The following KCTD2 variants were observed in gnomAD, a reference collection of about 807,000 sequenced individuals.
The protein encoded by KCTD2 is potassium channel tetramerization domain containing 2, also known as BTB/POZ domain-containing protein KCTD2.
Under a neutral mutation model 27.9 loss-of-function variants are expected in KCTD2, and 18 were observed. The ratio of observed to expected loss-of-function variants is 0.64; its 90% CI spans 0.45 to 0.96. KCTD2 has a LOEUF of 0.96. Ranked by LOEUF, KCTD2 falls within the 40% of genes least tolerant of loss-of-function variation. The pLI, the probability that KCTD2 is intolerant of heterozygous loss-of-function variation, is 0.00. For missense variants in KCTD2, 280 were observed against 348.0 expected, an observed-to-expected ratio of 0.80 and a Z score of 1.56; for synonymous variants, 175 against 148.4, an observed-to-expected ratio of 1.18 and a Z score of -1.30.
chr17:75,033,949 G>A (rs866013366), intron 1 of KCTD2: 2 of 152,366 alleles, frequency 1.3e-5, no homozygotes, highest in Middle Eastern at 3.4e-3. Flanking sequence ...CCTAAGCCAG[G>A]GATTGTGGGT....
Position 75,047,602 on chromosome 17 carries a change from C to G in KCTD2, c.339+13C>G. 1 of 1,603,292 alleles carries G rather than the reference C, an allele frequency of 6.2e-7. No homozygotes were observed. On this transcript the variant is annotated intron_variant, in intron 1 of 5. Coordinates refer to ENST00000322444, the MANE Select transcript of KCTD2 (RefSeq NM_015353.3). ...GGACTCAGACAAGGTGTGCCCCGCC[C>G]TCGGGCGCGCCCCCGGGCCTTCGAA...
chr17:75,055,997 C>T (rs1280652146), intron 3 of KCTD2, among the ~76,000 whole-genome samples: 2 of 151,992 alleles, frequency 1.3e-5, no homozygotes, highest in Non-Finnish European at 2.9e-5. Context: ...CACCACTGCA[C>T]CCCAGCCTGG....
At chr17:75,035,187 A>T (rs1174207648) in intron 2 of KCTD2, 1 of 152,000 alleles carries the variant, frequency 6.6e-6, no homozygotes, top group African/African-American at 2.4e-5. Flanking sequence ...TCGTGGTCGG[A>T]ACGTTTTAAT....
At chr17:75,037,740 A>G (rs1460152368) in intron 3 of KCTD2, among the ~76,000 whole-genome samples, 1 of 152,198 alleles carries the variant, frequency 6.6e-6, no homozygotes, top group Non-Finnish European at 1.5e-5. Flanking sequence ...GATTTTAAAA[A>G]TTAAGTTAAA....
rs545453471 is a variant in KCTD2, at chr17:75,036,604, G to A, written c.-259+1247G>A. Among the ~76,000 whole-genome samples, 5 of 152,354 alleles carry A rather than the reference G, an allele frequency of 3.3e-5. No homozygotes were observed. The East Asian group carries it at 9.6e-4, about 29-fold the overall frequency. Reference sequence around the variant, plus strand: ...CCCAAAGGGCTCCCCCTAATGCTGGGGTTGCCCCCTTCACATCCCAACACC... The same window carrying A: ...CCCAAAGGGCTCCCCCTAATGCTGGAGTTGCCCCCTTCACATCCCAACACC... On this transcript the variant is annotated intron_variant, in intron 3 of 7. Coordinates refer to the KCTD2 transcript ENST00000581589.
chr17:75,051,403 G>A (rs577405012), intron 2 of KCTD2, among the ~76,000 whole-genome samples: 17 of 146,626 alleles, frequency 1.2e-4, no homozygotes, highest in African/African-American at 3.8e-4. Flanking sequence ...TCCTGCCTCA[G>A]CCTCCTGAGT....
At chr17:75,054,883 A>C (rs897779359) in intron 3 of KCTD2, among the ~76,000 whole-genome samples, 16 of 152,054 alleles carry the variant, frequency 1.1e-4, no homozygotes, top group African/African-American at 3.9e-4. Context: ...GACTGTTTTA[A>C]GAAACTGCAA....
rs574661451 is a variant in KCTD2 at position 75,048,572 on chromosome 17, C to T, written c.340-648C>T. On this transcript the variant is annotated intron_variant, in intron 1 of 5. Coordinates refer to ENST00000322444, the MANE Select transcript of KCTD2 (RefSeq NM_015353.3). ...CTTATAAAGGAATTATTTTTATCTA[C>T]TCTATATCCTCCTTGTGGTAATAGA... 3.3e-5 allele frequency among the ~76,000 whole-genome samples: 5 copies of T among 152,318 alleles called. No homozygotes were observed. The South Asian group carries it at 1.0e-3, about 32-fold the overall frequency.
chr17:75,046,168 C>T (rs1402576407), upstream of KCTD2, among the ~76,000 whole-genome samples: 3 of 152,108 alleles, frequency 2.0e-5, no homozygotes, highest in Non-Finnish European at 4.4e-5. Context: ...CTGCAACCTC[C>T]GCCTCCCGGG....
At chr17:75,062,522 C>G (rs1021748527) in intron 5 of KCTD2, among the ~76,000 whole-genome samples, 13 of 152,150 alleles carry the variant, frequency 8.5e-5, no homozygotes, top group African/African-American at 3.1e-4. Context: ...CCACTAATTA[C>G]TACAGGGTAG....
upstream of KCTD2, among the ~76,000 whole-genome samples, chr17:75,042,951 T>C (rs935389419): frequency 2.0e-5 from 3 of 152,086 alleles, no homozygotes; most frequent in African/African-American, 7.2e-5. Context: ...CCAGGCGCAG[T>C]GGGCTCACGC....
Position 75,047,366 on chromosome 17 carries a change from C to A in KCTD2, c.116C>A (p.Pro39His), listed in dbSNP as rs2073234774. ...CCCCCCAGCCCACGCCCGGCTGGCC[C>A]CACGCCCCGCGGGCACGGCCGCCCG... The part of the protein sequence containing the change: ...RGPPSPRPAG[P>H]TPRGHGRPAA... Residue 39 changes from proline to histidine, a missense_variant, in exon 1 of 6, where the codon CCC (proline) becomes CAC (histidine). Transcript: ENST00000322444. The A allele has an allele frequency of 8.0e-6, 9 of 1,129,744 alleles. No homozygotes were observed. The South Asian group carries it at 3.4e-4, about 43-fold the overall frequency. The allele number at this position is 1,129,744 out of a possible 1,614,324, so 70.0% of individuals were successfully genotyped here. A position where few individuals can be genotyped will look rare whatever the true frequency, so the allele number is the denominator to read the frequency against.
chr17:75,042,731 A>C, upstream of KCTD2: 1 of 1,405,520 alleles, frequency 7.1e-7, no homozygotes, highest in East Asian at 2.3e-5. Context: ...ATGATAAATA[A>C]CAAAATAAGA....
chr17:75,036,895 G>C (rs1485030962), intron 3 of KCTD2, among the ~76,000 whole-genome samples: 1 of 152,096 alleles, frequency 6.6e-6, no homozygotes, highest in Non-Finnish European at 1.5e-5. Flanking sequence ...AGTTTTGGGG[G>C]GAGTAGACTC....
rs577793689 is a variant in KCTD2 at position 75,063,101 on chromosome 17, T to C, written c.*54T>C. The C allele has an allele frequency of 1.3e-6, 2 of 1,557,952 alleles. No homozygotes were observed. Among genetic ancestry groups the C allele is most frequent in the African/African-American group, 2.7e-5 (2 of 73,812 alleles). ...AGGAGAGCAGTCAGCAGAGCCCCTC[T>C]GTGAAGTGAAACCTCACTCCTGTCC... On this transcript the variant is annotated 3_prime_UTR_variant, in exon 6 of 6. Transcript: ENST00000322444.
chr17:75,062,930 C>A, intron 5 of KCTD2, 88 bp from the exon 6 acceptor site: 1 of 1,376,218 alleles, frequency 7.3e-7, no homozygotes, highest in Non-Finnish European at 1.0e-6. Flanking sequence ...GACCATCATG[C>A]CACTCATCGG....
chr17:75,040,173 C>T lies in KCTD2; in HGVS notation c.-259+4816C>T, dbSNP rs375114115. On this transcript the variant is annotated intron_variant, in intron 3 of 7. Coordinates refer to the KCTD2 transcript ENST00000581589. ...CCTTCAGCGCATTAAACTACAAACA[C>T]AAGGGCACGGGAACCTTCAGCGCAT... 1.9e-6 allele frequency: 3 copies of T among 1,611,368 alleles called. No individual in the cohort carries two copies. In the African/African-American group the frequency reaches 4.0e-5, roughly 22 times the overall value.
At chr17:75,042,450 T>C, upstream of KCTD2, 2 of 1,563,970 alleles carry the variant, frequency 1.3e-6, no homozygotes, top group Non-Finnish European at 1.7e-6. Flanking sequence ...GCATCAAGAA[T>C]TCATATGTAA....
Position 75,063,003 on chromosome 17 carries a change from A to G in KCTD2, c.763-15A>G. The G allele has an allele frequency of 6.2e-7, 1 of 1,613,892 alleles. No individual in the cohort carries two copies. Among genetic ancestry groups the G allele is most frequent in the East Asian group, 2.2e-5 (1 of 44,866 alleles). On this transcript the variant is annotated splice_polypyrimidine_tract_variant and intron_variant, in intron 5 of 5. Transcript: ENST00000322444. ...CCTCAGCAGCCTCAGCCTCTCCCCC[A>G]TCTCCAACTTTCAGATTCTTCAGGA...
Sources: gnomAD v4.1 joint callset for allele counts (sites outside exome capture counted in the v4.1 genomes callset) on GRCh38, gnomAD v4.1.1 for gene constraint, MANE v1.5 for transcripts, NCBI Gene and HGNC (gene_info 2026-07-23, HGNC 2026-07-21) for gene names.